PRDM16: variants seen among roughly 807,000 people sequenced by gnomAD.
PRDM16 encodes PR/SET domain 16, also known as histone-lysine N-methyltransferase PRDM16.
PRDM16 carries 23 observed loss-of-function variants against 110.6 expected under a neutral mutation model. The observed-to-expected ratio is 0.21, with a 90% CI of 0.15 to 0.29. The LOEUF (loss-of-function observed/expected upper bound fraction) is 0.29. PRDM16 is among the 10% of genes least tolerant of loss of function. The probability of loss-of-function intolerance (pLI) is 1.00; values close to 1 mark genes in which losing one functional copy is unlikely to be tolerated. For missense variants in PRDM16, 1,615 were observed against 1,794.3 expected, an observed-to-expected ratio of 0.90 and a Z score of 1.81; for synonymous variants, 799 against 781.8, an observed-to-expected ratio of 1.02 and a Z score of -0.37.
chr1:3,193,102 C>G (rs537854406), intron 2 of PRDM16, among the ~76,000 whole-genome samples: 67 of 151,784 alleles, frequency 4.4e-4, no homozygotes, highest in African/African-American at 1.5e-3. Flanking sequence ...GGCCAGACGG[C>G]GAGTACCCAG....
chr1:3,104,565 G>A (rs1642606226), intron 1 of PRDM16, among the ~76,000 whole-genome samples: 1 of 114,496 alleles, frequency 8.7e-6, no homozygotes, highest in Non-Finnish European at 1.7e-5. Flanking sequence ...CCCTCAAGAA[G>A]CCCTCAGTCC....
intron 1 of PRDM16, among the ~76,000 whole-genome samples, chr1:3,073,848 C>T (rs1641826565): frequency 6.6e-6 from 1 of 152,130 alleles, no homozygotes; most frequent in African/African-American, 2.4e-5. Flanking sequence ...CCCCGGGGTC[C>T]CCTCCTCCTG....
chr1:3,345,369 C>T (rs955258475), intron 3 of PRDM16, among the ~76,000 whole-genome samples: 1 of 152,200 alleles, frequency 6.6e-6, no homozygotes, highest in African/African-American at 2.4e-5. Context: ...CCGGAGGCTC[C>T]TGGGCCCCAC....
At chr1:3,320,527 C>G (rs896501098) in intron 3 of PRDM16, among the ~76,000 whole-genome samples, 3 of 152,280 alleles carry the variant, frequency 2.0e-5, no homozygotes, top group Middle Eastern at 3.4e-3. Context: ...CCCAGGTGAC[C>G]CAGGTCACTG....
chr1:3,198,382 G>A (rs934089564), intron 2 of PRDM16, among the ~76,000 whole-genome samples: 9 of 152,362 alleles, frequency 5.9e-5, no homozygotes, highest in East Asian at 1.9e-4. Flanking sequence ...CTTTCCTGTC[G>A]TTTGGGACAT....
Position 3,425,538 on chromosome 1 carries a change from C to A in PRDM16, c.2940-43C>A, listed in dbSNP as rs373220093. 2.4e-4 allele frequency: 388 copies of A among 1,589,468 alleles called. 3 individuals are homozygous for A. In the African/African-American group the frequency reaches 4.7e-3, roughly 19 times the overall value. On this transcript the variant is annotated intron_variant, in intron 12 of 16. Transcript: ENST00000270722. This position sits in a 1 kb window ranked among gnomAD's most constrained non-coding sequence, Gnocchi z 6.9. ...ACCCTCTGTGGCCCGGCCTGCCATG[C>A]AGAGCCGGGGCCTGCACTGAGGAGC...
At chr1:3,348,985 A>G (rs1056690525) in intron 3 of PRDM16, among the ~76,000 whole-genome samples, 2 of 151,770 alleles carry the variant, frequency 1.3e-5, no homozygotes, top group African/African-American at 4.8e-5. Context: ...TGGCCTGGGA[A>G]CAGCCCACTG....
chr1:3,404,625 G>C (rs760119123), intron 6 of PRDM16, 114 bp from the exon 7 acceptor site: 4 of 1,306,478 alleles, frequency 3.1e-6, no homozygotes, highest in South Asian at 1.3e-5. Flanking sequence ...CTGATCCCTC[G>C]GCAGCGTGGT....
At chr1:3,114,103 C>T (rs542184923) in intron 1 of PRDM16, among the ~76,000 whole-genome samples, 34 of 152,268 alleles carry the variant, frequency 2.2e-4, no homozygotes, top group African/African-American at 7.5e-4. Flanking sequence ...TTTGTGATGG[C>T]GCCGTGCTGC....
rs1361960092 is a variant in PRDM16 at position 3,148,040 on chromosome 1, G to A, written c.38-38085G>A. On this transcript the variant is annotated intron_variant, in intron 1 of 16. Transcript: ENST00000270722. The surrounding 1 kb of genome is among the most constrained non-coding windows in gnomAD (Gnocchi z 5.0). ...TGCTCACCTGCAACTTGGGAATACC[G>A]AGATGCATTCAGATTCAAGTTCGGC... is the stretch of plus-strand genomic sequence containing the variant. Among the ~76,000 whole-genome samples, 1 of 152,118 alleles carries A rather than the reference G, an allele frequency of 6.6e-6. No homozygotes were observed. Among genetic ancestry groups the A allele is most frequent in the South Asian group, 2.1e-4 (1 of 4,816 alleles).
intron 7 of PRDM16, 31 bp from the exon 8 acceptor site, chr1:3,405,464 G>C (rs1463424321): frequency 1.3e-6 from 2 of 1,528,458 alleles, no homozygotes; most frequent in African/African-American, 1.4e-5. Flanking sequence ...TGTCCAGGCA[G>C]GGCACGCGCC....
chr1:3,256,372 C>T (rs1297903024), intron 3 of PRDM16, among the ~76,000 whole-genome samples: 1 of 152,198 alleles, frequency 6.6e-6, no homozygotes, highest in African/African-American at 2.4e-5. Context: ...TCATGCGTAA[C>T]CATGACCCCT....
intron 8 of PRDM16, among the ~76,000 whole-genome samples, chr1:3,408,503 C>T (rs867934986): frequency 2.1e-4 from 31 of 148,728 alleles, no homozygotes; most frequent in African/African-American, 7.0e-4. Context: ...AGTGTGGGCG[C>T]GTGCACCGGT....
At chr1:3,181,528 G>GCA (rs1557509507) in intron 1 of PRDM16, among the ~76,000 whole-genome samples, 2 of 24,598 alleles carry the variant, frequency 8.1e-5, no homozygotes, top group Non-Finnish European at 9.8e-5. Flanking sequence ...TTACACAAGC[G>GCA]GTCTTACACA....
rs905135 is a variant in PRDM16, at chr1:3,282,920, A to T, written c.438+38783A>T. ...CTGCAGGTGCAGTGAGAGGCGTGGT[A>T]GTATTAGGGCGGTTAGAGGAGGGGC... On this transcript the variant is annotated intron_variant, in intron 3 of 16. Coordinates refer to ENST00000270722, the MANE Select transcript of PRDM16 (RefSeq NM_022114.4). Among the ~76,000 whole-genome samples the T allele has an allele frequency of 5.3e-3, 801 of 152,182 alleles. 15 individuals are homozygous for T. Among genetic ancestry groups the T allele is most frequent in the African/African-American group, 0.018 (762 of 41,502 alleles).
intron 3 of PRDM16, among the ~76,000 whole-genome samples, chr1:3,259,099 G>A (rs376517310): frequency 6.6e-6 from 1 of 152,230 alleles, no homozygotes; most frequent in African/African-American, 2.4e-5. Context: ...TGGATTGGCG[G>A]GCACCCTGGG....
chr1:3,225,369 G>A (rs887986819), intron 2 of PRDM16, among the ~76,000 whole-genome samples: 3 of 152,102 alleles, frequency 2.0e-5, no homozygotes, highest in Admixed American at 6.5e-5. Flanking sequence ...TGAAATGTTT[G>A]CACCCAGGTC....
At chr1:3,286,152 A>G (rs886934319) in intron 3 of PRDM16, among the ~76,000 whole-genome samples, 11 of 152,156 alleles carry the variant, frequency 7.2e-5, no homozygotes, top group African/African-American at 2.7e-4. Context: ...CCTCATCCAC[A>G]GGCACTGGGG....
intron 1 of PRDM16, among the ~76,000 whole-genome samples, chr1:3,145,333 C>A (rs985813061): frequency 6.6e-6 from 1 of 152,206 alleles, no homozygotes; most frequent in South Asian, 2.1e-4. Context: ...TCTTCAGGGG[C>A]CTGCAGCTGG....
Sources: allele counts gnomAD v4.1 joint callset (sites outside exome capture counted in the v4.1 genomes callset), GRCh38; gene constraint gnomAD v4.1.1; non-coding constraint Gnocchi (gnomAD v3.1); transcripts MANE v1.5; gene names NCBI Gene and HGNC (gene_info 2026-07-23, HGNC 2026-07-21).